The following ROBO1 variants were observed in gnomAD, a reference collection of about 807,000 sequenced individuals.
The protein encoded by ROBO1 is roundabout homolog 1.
ROBO1 carries 149 observed loss-of-function variants against 195.9 expected under a neutral mutation model. The ratio of observed to expected loss-of-function variants is 0.76; its 90% CI spans 0.67 to 0.87. ROBO1 has a LOEUF of 0.87. ROBO1 is among the 40% of genes least tolerant of loss of function. ROBO1 has a pLI of 0.00. For missense variants in ROBO1, 1,933 were observed against 2,068.3 expected, an observed-to-expected ratio of 0.93 and a Z score of 1.27; for synonymous variants, 816 against 733.2, an observed-to-expected ratio of 1.11 and a Z score of -1.82.
intron 2 of ROBO1, among the ~76,000 whole-genome samples, chr3:79,129,807 G>C (rs564814464): frequency 1.1e-3 from 171 of 151,792 alleles, no homozygotes; most frequent in Non-Finnish European, 2.1e-3. Context: ...GGTTTTTATG[G>C]TTTTAGGTCT....
At chr3:79,183,257 G>A (rs1262852944) in intron 2 of ROBO1, among the ~76,000 whole-genome samples, 2 of 152,096 alleles carry the variant, frequency 1.3e-5, no homozygotes, top group Non-Finnish European at 2.9e-5. Context: ...GATCCCTCAT[G>A]CAAATGGGGT....
At chr3:79,012,464 C>T (rs1413251100) in intron 3 of ROBO1, among the ~76,000 whole-genome samples, 2 of 152,192 alleles carry the variant, frequency 1.3e-5, no homozygotes, top group African/African-American at 4.8e-5. Flanking sequence ...CTTCTATCCA[C>T]TTTCCCCTCA....
chr3:79,574,945 C>A (rs986908130), intron 2 of ROBO1, among the ~76,000 whole-genome samples: 1 of 150,728 alleles, frequency 6.6e-6, no homozygotes, highest in Non-Finnish European at 1.5e-5. Context: ...TAACTTCCTA[C>A]CAGACAGCAA....
At chr3:78,857,118 C>T (rs2034495215) in intron 4 of ROBO1, among the ~76,000 whole-genome samples, 1 of 152,068 alleles carries the variant, frequency 6.6e-6, no homozygotes, top group African/African-American at 2.4e-5. Context: ...TTTATTCACA[C>T]AATATTCATC....
intron 4 of ROBO1, among the ~76,000 whole-genome samples, chr3:78,848,604 G>A (rs1407547323): frequency 1.3e-5 from 2 of 152,230 alleles, no homozygotes; most frequent in South Asian, 2.1e-4. Context: ...AATGGTCCAC[G>A]CAGAAGGTGT....
rs756411820 is a variant in ROBO1 at position 78,639,802 on chromosome 3, G to A, written c.2979C>T (p.Ser993=). ...TGNNHNDCSI[S]CCTAGNGNSD... is the part of the protein sequence containing the mutation. The stretch of plus-strand genomic sequence containing the variant: ...TGTTTCCATTGCCTGCCGTGCAGCA[G>A]CTGATGGAGCAGTCATTGTGGTTGT... The change falls in exon 22 of 31, where the codon AGC becomes AGT. Residue 993 remains serine (S), a synonymous_variant. Coordinates refer to ENST00000464233, the MANE Select transcript of ROBO1 (RefSeq NM_002941.4). 8 of 1,613,546 alleles carry A rather than the reference G, an allele frequency of 5.0e-6. No individual in the cohort carries two copies. In the African/African-American group the frequency reaches 1.1e-4, roughly 22 times the overall value.
At chr3:79,173,364 T>C (rs112928861) in intron 2 of ROBO1, among the ~76,000 whole-genome samples, 2 of 152,032 alleles carry the variant, frequency 1.3e-5, no homozygotes, top group African/African-American at 2.4e-5. Flanking sequence ...GAACCAGGGC[T>C]GCGCGCGGTG....
chr3:79,266,043 T>G (rs987741426), intron 2 of ROBO1, among the ~76,000 whole-genome samples: 1 of 151,662 alleles, frequency 6.6e-6, no homozygotes, highest in South Asian at 2.1e-4. Flanking sequence ...TCCCTAAAGT[T>G]TAGGAGGTAT....
At chr3:79,123,870 T>C (rs546715663) in intron 3 of ROBO1, among the ~76,000 whole-genome samples, 1 of 152,222 alleles carries the variant, frequency 6.6e-6, no homozygotes, top group East Asian at 1.9e-4. Flanking sequence ...TAATGCTATA[T>C]TTAATCTGAA....
rs140464509 is a variant in ROBO1 at position 79,505,366 on chromosome 3, G to A, written c.88+84458C>T. On this transcript the variant is annotated intron_variant, in intron 2 of 30. Transcript: ENST00000464233. ...AAAGAGATTTCATCTCTTGTAAATT[G>A]CCAAATTGCGACAATGATATAAGAA... 3.0e-3 allele frequency among the ~76,000 whole-genome samples: 463 copies of A among 152,218 alleles called. 1 individual carries two copies. The highest frequency in any genetic ancestry group is 5.3e-3 in the Non-Finnish European group (362 of 68,000).
chr3:79,435,056 C>T (rs1188684381), intron 2 of ROBO1, among the ~76,000 whole-genome samples: 1 of 151,862 alleles, frequency 6.6e-6, no homozygotes, highest in Non-Finnish European at 1.5e-5. Flanking sequence ...CATACCAGGG[C>T]CTGTCGTGGG....
chr3:78,927,024 A>G (rs771351934), intron 4 of ROBO1, among the ~76,000 whole-genome samples: 48 of 152,180 alleles, frequency 3.2e-4, no homozygotes, highest in Non-Finnish European at 6.0e-4. Flanking sequence ...TGCTGACAAG[A>G]GGTAAATTAT....
chr3:79,436,881 GC>G (rs1559898401), intron 2 of ROBO1, among the ~76,000 whole-genome samples: 1 of 151,884 alleles, frequency 6.6e-6, no homozygotes, highest in Non-Finnish European at 1.5e-5. Flanking sequence ...TTCATCCCAC[GC>G]CCCTAACATG....
intron 8 of ROBO1, among the ~76,000 whole-genome samples, chr3:78,707,653 G>A (rs984138): frequency 0.41 from 62,829 of 151,990 alleles, 14,121 homozygotes; most frequent in Middle Eastern, 0.56. Flanking sequence ...GGATTTCACA[G>A]AAATCCCATT....
At chr3:78,862,639 T>C (rs199866687) in intron 4 of ROBO1, among the ~76,000 whole-genome samples, 7 of 152,206 alleles carry the variant, frequency 4.6e-5, no homozygotes, top group South Asian at 2.1e-4. Flanking sequence ...TAGAGTACCA[T>C]AGGATTGATT....
chr3:79,474,018 T>C (rs1309595708), intron 2 of ROBO1, among the ~76,000 whole-genome samples: 28 of 152,284 alleles, frequency 1.8e-4, no homozygotes, highest in South Asian at 2.1e-4. Flanking sequence ...ATTTTTATTT[T>C]ACAATTATTA....
In ROBO1 at chr3:79,011,281, G is replaced by A. The variant is rs1448066028; in HGVS notation, c.173-72354C>T. Among the ~76,000 whole-genome samples the A allele has an allele frequency of 2.6e-5, 4 of 152,088 alleles. 1 individual carries two copies. Among genetic ancestry groups the A allele is most frequent in the East Asian group, 3.8e-4 (2 of 5,198 alleles). The stretch of plus-strand genomic sequence containing the variant: ...CTTTAGAGCTATGCAACTAAAAAGC[G>A]GACATGTTCTTGTATAGGAAAGGAA... On this transcript the variant is annotated intron_variant, in intron 3 of 30. Transcript: ENST00000464233.
intron 2 of ROBO1, among the ~76,000 whole-genome samples, chr3:79,359,682 T>C (rs1297511048): frequency 6.6e-6 from 1 of 152,050 alleles, no homozygotes; most frequent in Non-Finnish European, 1.5e-5. Context: ...TCATTCAGCA[T>C]ATAATCTAGA....
chr3:79,720,385 C>G (rs1348753982), intron 1 of ROBO1, among the ~76,000 whole-genome samples: 1 of 152,132 alleles, frequency 6.6e-6, no homozygotes, highest in Non-Finnish European at 1.5e-5. Flanking sequence ...AATTAGTGAG[C>G]CACTTTGAAC....
Sources: allele counts gnomAD v4.1 joint callset (sites outside exome capture counted in the v4.1 genomes callset), GRCh38; gene constraint gnomAD v4.1.1; transcripts MANE v1.5; gene names NCBI Gene and HGNC (gene_info 2026-07-23, HGNC 2026-07-21).